The following RNLS variants were observed in gnomAD, a reference collection of about 807,000 sequenced individuals.
The protein encoded by RNLS is renalase, FAD dependent amine oxidase.
In RNLS, 39 loss-of-function variants were observed where a neutral mutation model predicts 39.8. The ratio of observed to expected loss-of-function variants is 0.98; its 90% confidence interval spans 0.76 to 1.28. RNLS has a LOEUF of 1.28. RNLS is among the 50% of genes most tolerant of loss of function. The probability of loss-of-function intolerance (pLI) is 0.00; values close to 1 mark genes in which losing one functional copy is unlikely to be tolerated. For missense variants in RNLS, 410 were observed against 413.3 expected (o/e 0.99, Z 0.07); for synonymous variants, 147 against 150.7 (o/e 0.98, Z 0.18).
chr10:88,305,440 C>G (rs1844847443), intron 6 of RNLS, among the ~76,000 whole-genome samples: 1 of 152,132 alleles, frequency 6.6e-6, no homozygotes, highest in Non-Finnish European at 1.5e-5. Flanking sequence ...ATGCTGTCTT[C>G]AAGAGACCCA....
At chr10:88,558,274 G>C (rs1275469830) in intron 4 of RNLS, among the ~76,000 whole-genome samples, 1 of 152,092 alleles carries the variant, frequency 6.6e-6, no homozygotes, top group Non-Finnish European at 1.5e-5. Context: ...CAGCTAGAGA[G>C]CCTTAAGCAA....
chr10:88,309,735 C>G (rs1845213847), intron 6 of RNLS, among the ~76,000 whole-genome samples: 1 of 152,048 alleles, frequency 6.6e-6, no homozygotes, highest in Admixed American at 6.6e-5. Flanking sequence ...GCCGACATGG[C>G]TAATTGTCAG....
At chr10:88,222,773 G>A in the RNLS span, among the ~76,000 whole-genome samples, 1 of 152,158 alleles carries the variant, frequency 6.6e-6, no homozygotes, top group East Asian at 1.9e-4. Context: ...ACAAGACTGT[G>A]GGGAATTGAA....
chr10:88,487,455 A>G lies in RNLS; in HGVS notation c.526+85448T>C, dbSNP rs546601643. On this transcript the variant is annotated intron_variant, in intron 4 of 6. Coordinates refer to ENST00000331772, the MANE Select transcript of RNLS (RefSeq NM_001031709.3). ...ACAGTTTACTGAAGAAGACATATAG[A>G]TGGTAAATAAGCACATGAAATAATG... is the stretch of plus-strand genomic sequence containing the variant. Among the ~76,000 whole-genome samples the G allele has an allele frequency of 2.0e-5, 3 of 152,336 alleles. No individual in the cohort carries two copies. The East Asian group carries it at 5.8e-4, about 29-fold the overall frequency.
chr10:88,342,862 A>G (rs74149704), intron 5 of RNLS, among the ~76,000 whole-genome samples: 20,846 of 152,148 alleles, frequency 0.14, 1,641 homozygotes, highest in East Asian at 0.34. Context: ...TTGGCAAACT[A>G]TGGGCTTCAG....
chr10:88,494,216 G>A (rs1397353486), intron 4 of RNLS, among the ~76,000 whole-genome samples: 1 of 152,102 alleles, frequency 6.6e-6, no homozygotes, highest in Non-Finnish European at 1.5e-5. Context: ...ACAATAGGAA[G>A]TTACACGGAA....
chr10:88,285,445 G>A lies in RNLS; in HGVS notation c.938C>T (p.Ala313Val). Reference sequence around the variant, plus strand: ...CTGAGTAAATCCATCCCCTCCACATGCAAGGAAAGGTTTGTGATGCAGAGT... The same window carrying A: ...CTGAGTAAATCCATCCCCTCCACATACAAGGAAAGGTTTGTGATGCAGAGT... ...QMTLHHKPFL[A>V]CGGDGFTQSN... Residue 313 changes from alanine (A) to valine (V), a missense_variant, in exon 7 of 7, where the codon GCA becomes GTA. Physicochemically the swap from Ala to Val is moderately conservative, Grantham distance 64. Transcript: ENST00000331772. 1.2e-6 allele frequency: 2 copies of A among 1,613,290 alleles called. No homozygotes were observed. The highest frequency in any genetic ancestry group is 1.7e-4 in the Middle Eastern group (1 of 6,054).
chr10:88,575,151 TATATATATACACACAC>T (rs1164003212), intron 3 of RNLS, among the ~76,000 whole-genome samples: 13 of 46,802 alleles, frequency 2.8e-4, no homozygotes, highest in South Asian at 2.8e-3. Flanking sequence ...TATATATATA[TATATATATACACACAC>T]ACACACACAC....
the RNLS span, among the ~76,000 whole-genome samples, chr10:88,218,181 C>G: frequency 6.6e-6 from 1 of 152,248 alleles, no homozygotes; most frequent in Admixed American, 6.5e-5. Context: ...GTGGCCTGCC[C>G]TCAGTATGGA....
At chr10:88,283,325 G>A (rs938050969), downstream of RNLS, among the ~76,000 whole-genome samples, 4 of 152,140 alleles carry the variant, frequency 2.6e-5, no homozygotes, top group African/African-American at 4.8e-5. Flanking sequence ...AAAAACAGAT[G>A]CAGAGTTAGA....
chr10:88,574,243 C>G (rs1850024616), intron 3 of RNLS, among the ~76,000 whole-genome samples: 1 of 152,070 alleles, frequency 6.6e-6, no homozygotes, highest in African/African-American at 2.4e-5. Flanking sequence ...GATTTACAAG[C>G]AAATCTACTT....
intron 4 of RNLS, among the ~76,000 whole-genome samples, chr10:88,422,896 T>C (rs1303300084): frequency 6.6e-6 from 1 of 152,058 alleles, no homozygotes; most frequent in East Asian, 1.9e-4. Context: ...CCTGAGTAGC[T>C]AGGACTACCA....
At chr10:88,548,821 G>T (rs1471027384) in intron 4 of RNLS, among the ~76,000 whole-genome samples, 1 of 151,368 alleles carries the variant, frequency 6.6e-6, no homozygotes, top group African/African-American at 2.4e-5. Flanking sequence ...GAATAAATCT[G>T]TATCTTGCAA....
At chr10:88,360,311 G>T (rs1165899371) in intron 5 of RNLS, among the ~76,000 whole-genome samples, 1 of 152,196 alleles carries the variant, frequency 6.6e-6, no homozygotes, top group African/African-American at 2.4e-5. Context: ...TTATCACATT[G>T]CTTCCACCCT....
At chr10:88,320,060 A>G (rs1438336324) in intron 5 of RNLS, among the ~76,000 whole-genome samples, 1 of 152,118 alleles carries the variant, frequency 6.6e-6, no homozygotes, top group Non-Finnish European at 1.5e-5. Context: ...TAAATTACCC[A>G]TAAAGGAAAT....
chr10:88,500,694 T>A (rs1266445071), intron 4 of RNLS, among the ~76,000 whole-genome samples: 3 of 152,186 alleles, frequency 2.0e-5, no homozygotes, highest in Non-Finnish European at 4.4e-5. Context: ...ATGGCAAAAC[T>A]AATAACCTAA....
intron 4 of RNLS, among the ~76,000 whole-genome samples, chr10:88,548,000 G>T (rs71477194): frequency 6.6e-6 from 1 of 151,970 alleles, no homozygotes; most frequent in African/African-American, 2.4e-5. Context: ...AGTGGCTCAC[G>T]CCTGTAATCC....
the RNLS span, among the ~76,000 whole-genome samples, chr10:88,248,549 C>T: frequency 2.0e-5 from 3 of 152,200 alleles, no homozygotes; most frequent in Admixed American, 1.3e-4. Context: ...TGGTGCTGGA[C>T]TCCCAATGCC....
At chr10:88,304,693 TAA>T (rs2132981310) in intron 6 of RNLS, among the ~76,000 whole-genome samples, 1 of 152,090 alleles carries the variant, frequency 6.6e-6, no homozygotes, top group East Asian at 1.9e-4. Context: ...TGGGATTATG[TAA>T]AGAGACCAAA....
Sources: gnomAD v4.1 joint callset for allele counts (sites outside exome capture counted in the v4.1 genomes callset) on GRCh38, gnomAD v4.1.1 for gene constraint, MANE v1.5 for transcripts, NCBI Gene and HGNC (gene_info 2026-07-23, HGNC 2026-07-21) for gene names.